Variants in PAFAH1B3 observed in about 807,000 individuals in gnomAD.
PAFAH1B3 encodes platelet activating factor acetylhydrolase 1b catalytic subunit 3, also known as platelet-activating factor acetylhydrolase IB subunit alpha1.
In PAFAH1B3, 15 loss-of-function variants were observed where a neutral mutation model predicts 24.4. The ratio of observed to expected loss-of-function variants is 0.62; its 90% CI spans 0.41 to 0.95. PAFAH1B3 has a LOEUF of 0.95. Ranked by LOEUF, PAFAH1B3 falls within the 40% of genes least tolerant of loss-of-function variation. The probability of loss-of-function intolerance (pLI) is 0.00; values close to 1 mark genes in which losing one functional copy is unlikely to be tolerated. For missense variants in PAFAH1B3, 266 were observed against 312.2 expected, an observed-to-expected ratio of 0.85 and a Z score of 1.12; for synonymous variants, 144 against 126.5, an observed-to-expected ratio of 1.14 and a Z score of -0.93.
At chr19:42,299,707 C>T (rs567214768) in intron 4 of PAFAH1B3, among the ~76,000 whole-genome samples, 21 of 152,286 alleles carry the variant, frequency 1.4e-4, no homozygotes, top group African/African-American at 3.4e-4. Flanking sequence ...GGATTACAGG[C>T]GTGAGCCACC....
intron 3 of PAFAH1B3, 27 bp from the exon 4 acceptor site, chr19:42,300,119 G>A (rs758120184): frequency 7.4e-6 from 12 of 1,613,802 alleles, no homozygotes; most frequent in African/African-American, 4.0e-5. Context: ...ATGAAGCAGC[G>A]GTGAGGGGGC....
chr19:42,301,910 A>C, intron 2 of PAFAH1B3, 40 bp downstream of exon 2: 8 of 1,494,884 alleles, frequency 5.4e-6, no homozygotes, highest in Non-Finnish European at 7.3e-6. Context: ...CAGCATGGAC[A>C]CAGGGCTGGA....
chr19:42,299,827 G>C (rs1034296412), intron 4 of PAFAH1B3, 143 bp downstream of exon 4: 30 of 1,041,944 alleles, frequency 2.9e-5, no homozygotes, highest in Admixed American at 4.2e-5. Flanking sequence ...CCACTCTGAA[G>C]GGTATAGCAA....
chr19:42,297,408 G>A, intron 4 of PAFAH1B3, 43 bp from the exon 5 acceptor site: 2 of 1,322,192 alleles, frequency 1.5e-6, no homozygotes, highest in Non-Finnish European at 1.0e-6. Context: ...AAGCATTTGA[G>A]TATCTTGTTC....
rs2038654369 is a variant in PAFAH1B3 at position 42,302,573 on chromosome 19, T to C, written c.-264A>G. ...AGTGGGCTCGCCCGGCGCTTCCCGC[T>C]CGGGCCGCTGACTCCCAGGCCGCGC... On this transcript the variant is annotated 5_prime_UTR_variant, in exon 1 of 5. Transcript: ENST00000262890. 6.9e-6 allele frequency: 3 copies of C among 432,788 alleles called. No homozygotes were observed. Among genetic ancestry groups the C allele is most frequent in the Admixed American group, 4.1e-5 (1 of 24,178 alleles). 26.8% of individuals were successfully genotyped at this position (432,788 alleles called of 1,614,324 possible). A position where few individuals can be genotyped will look rare whatever the true frequency, so the allele number is the denominator to read the frequency against.
rs2038651877 is a variant in PAFAH1B3 at position 42,302,475 on chromosome 19, C to A, written c.-166G>T. Reference sequence around the variant, plus strand: ...AGGCCGATACAGGGCGCCGCCTCCTCTCCAGGGACGGAAGCCTTCACTTAG... The same window carrying A: ...AGGCCGATACAGGGCGCCGCCTCCTATCCAGGGACGGAAGCCTTCACTTAG... On this transcript the variant is annotated 5_prime_UTR_variant, in exon 1 of 5. Coordinates refer to ENST00000262890, the MANE Select transcript of PAFAH1B3 (RefSeq NM_002573.4). 1 of 609,334 alleles carries A rather than the reference C, an allele frequency of 1.6e-6. No individual in the cohort carries two copies. The highest frequency in any genetic ancestry group is 2.8e-6 in the Non-Finnish European group (1 of 351,668). The allele number at this position is 609,334 out of a possible 1,614,324, so 37.7% of individuals were successfully genotyped here.
At chr19:42,300,150 C>A in intron 3 of PAFAH1B3, 21 bp downstream of exon 3, 1 of 1,613,950 alleles carries the variant, frequency 6.2e-7, no homozygotes. Context: ...TGTTTTAGAG[C>A]CCCACCCAAG....
chr19:42,298,527 C>T (rs2038571586), intron 4 of PAFAH1B3, among the ~76,000 whole-genome samples: 1 of 152,178 alleles, frequency 6.6e-6, no homozygotes, highest in East Asian at 1.9e-4. Flanking sequence ...AACATCATGG[C>T]TCATGCCAAG....
intron 4 of PAFAH1B3, among the ~76,000 whole-genome samples, chr19:42,297,575 CTTTT>C (rs887634639): frequency 7.3e-6 from 1 of 137,562 alleles, no homozygotes; most frequent in African/African-American, 2.7e-5. Context: ...CTTTCGTTTT[CTTTT>C]TTTTTTTTTT....
chr19:42,302,415 G>T lies in PAFAH1B3; in HGVS notation c.-106C>A. 9.5e-7 allele frequency: 1 copy of T among 1,050,732 alleles called. No individual in the cohort carries two copies. The highest frequency in any genetic ancestry group is 1.5e-5 in the South Asian group (1 of 65,310). 65.1% of individuals were successfully genotyped at this position (1,050,732 alleles called of 1,614,324 possible). A position where few individuals can be genotyped will look rare whatever the true frequency, so the allele number is the denominator to read the frequency against. ...ACTCCTACCCCTCGCGGCAACAAAG[G>T]ACCGTCCCAACGCTAGCACACCCGC... is the stretch of plus-strand genomic sequence containing the variant. On this transcript the variant is annotated 5_prime_UTR_variant, in exon 1 of 5. Transcript: ENST00000262890.
rs1391493458 is a variant in PAFAH1B3 at position 42,297,113 on chromosome 19, C to T, written c.661G>A (p.Gly221Ser). The change falls in exon 5 of 5, where the codon GGC (glycine) becomes AGC (serine). Residue 221 changes from glycine (G) to serine (S), a missense_variant. Transcript: ENST00000262890. ...LLLRLLAQDQ[G>S]QGAPLLEPAP Reference sequence around the variant, plus strand: ...GGCTCCAGCAGGGGAGCACCTTGGCCCTGGTCTTGGGCCAGCAGACGCAGA... The same window carrying T: ...GGCTCCAGCAGGGGAGCACCTTGGCTCTGGTCTTGGGCCAGCAGACGCAGA... The T allele has an allele frequency of 2.5e-6, 4 of 1,610,006 alleles. No individual in the cohort carries two copies. Among genetic ancestry groups the T allele is most frequent in the Non-Finnish European group, 2.5e-6 (3 of 1,176,648 alleles).
In PAFAH1B3 at chr19:42,302,017, C is replaced by T. The variant is rs1294813857; in HGVS notation, c.101G>A (p.Ser34Asn). 3 of 1,571,086 alleles carry T rather than the reference C, an allele frequency of 1.9e-6. No homozygotes were observed. Among genetic ancestry groups the T allele is most frequent in the African/African-American group, 2.7e-5 (2 of 73,824 alleles). The change falls in exon 2 of 5, where the codon AGC (serine) becomes AAC (asparagine). Residue 34 changes from serine (S) to asparagine (N), a missense_variant. Physicochemically the swap from Ser to Asn is conservative, Grantham distance 46. Transcript: ENST00000262890. ...MSLHHRFVAD[S>N]KDKEPEVVFI... is the part of the protein sequence containing the mutation. ...GACGACTTCGGGTTCCTTATCTTTG[C>T]TGTCAGCCACGAACCGATGGTGCTG...
intron 1 of PAFAH1B3, 44 bp from the exon 2 acceptor site, chr19:42,302,083 G>C: frequency 6.5e-7 from 1 of 1,534,334 alleles, no homozygotes; most frequent in Non-Finnish European, 8.8e-7. Context: ...GCACGCTCCA[G>C]GGCCCGCCCC....
Position 42,297,385 on chromosome 19 carries a change from G to A in PAFAH1B3, c.409-20C>T, listed in dbSNP as rs373974827. The A allele has an allele frequency of 4.3e-5, 67 of 1,558,466 alleles. No homozygotes were observed. Among genetic ancestry groups the A allele is most frequent in the African/African-American group, 2.9e-4 (21 of 73,256 alleles). ...CAGGCCCTGAGCAGGAACACGAGGC[G>A]TAGTAAGGAAACAAGCATTTGAGTA... On this transcript the variant is annotated intron_variant, in intron 4 of 4. Coordinates refer to ENST00000262890, the MANE Select transcript of PAFAH1B3 (RefSeq NM_002573.4).
Position 42,300,267 on chromosome 19 carries a change from A to T in PAFAH1B3, c.189T>A (p.Ser63=). 6.2e-7 allele frequency: 1 copy of T among 1,614,184 alleles called. No homozygotes were observed. Among genetic ancestry groups the T allele is most frequent in the South Asian group, 1.1e-5 (1 of 91,084 alleles). ...HQCEIWRELF[S]PLHALNFGIG... ...TGCCAAAGTTAAGTGCATGCAGAGGAGAGAAGAGCTCGCGCCAGATCTGTG... is the reference window on the plus strand; with the variant it reads ...TGCCAAAGTTAAGTGCATGCAGAGGTGAGAAGAGCTCGCGCCAGATCTGTG... Residue 63 remains serine (S), a synonymous_variant, in exon 3 of 5, where the codon TCT becomes TCA. Coordinates refer to ENST00000262890, the MANE Select transcript of PAFAH1B3 (RefSeq NM_002573.4).
rs1056161360 is a variant in PAFAH1B3 at position 42,299,788 on chromosome 19, T to C, written c.408+182A>G. On this transcript the variant is annotated intron_variant, in intron 4 of 4. Coordinates refer to ENST00000262890, the MANE Select transcript of PAFAH1B3 (RefSeq NM_002573.4). ...GCCATCCCTGGGCAAAAAAGGCTAATTGGTCTCGGAGCATATTCTCAACCA... is the reference window on the plus strand; with the variant it reads ...GCCATCCCTGGGCAAAAAAGGCTAACTGGTCTCGGAGCATATTCTCAACCA... 16 of 796,488 alleles carry C rather than the reference T, an allele frequency of 2.0e-5. No individual in the cohort carries two copies. In the African/African-American group the frequency reaches 2.6e-4, roughly 13 times the overall value. 49.3% of individuals were successfully genotyped at this position (796,488 alleles called of 1,614,324 possible). A position where few individuals can be genotyped will look rare whatever the true frequency, so the allele number is the denominator to read the frequency against.
chr19:42,302,326 C>T lies in PAFAH1B3; in HGVS notation c.-17G>A. On this transcript the variant is annotated 5_prime_UTR_variant, in exon 1 of 5. Coordinates refer to ENST00000262890, the MANE Select transcript of PAFAH1B3 (RefSeq NM_002573.4). ...TCCACTCATCTTGGCGCCGCAGCTCCTGCAGGATGAGCGAGTCGGGTCGGC... is the reference window on the plus strand; with the variant it reads ...TCCACTCATCTTGGCGCCGCAGCTCTTGCAGGATGAGCGAGTCGGGTCGGC... The T allele has an allele frequency of 1.3e-6, 2 of 1,591,146 alleles. No homozygotes were observed. The highest frequency in any genetic ancestry group is 1.7e-6 in the Non-Finnish European group (2 of 1,170,868).
chr19:42,299,559 G>A (rs2038585736), intron 4 of PAFAH1B3, among the ~76,000 whole-genome samples: 1 of 151,942 alleles, frequency 6.6e-6, no homozygotes, highest in Non-Finnish European at 1.5e-5. Context: ...CAAGTTAGCT[G>A]GGACTACAGG....
chr19:42,302,186 C>T, intron 1 of PAFAH1B3, 46 bp downstream of exon 1: 1 of 1,536,564 alleles, frequency 6.5e-7, no homozygotes, highest in Non-Finnish European at 8.8e-7. Flanking sequence ...CCTGAGCCAC[C>T]CCCCGCGCCC....
Sources: gnomAD v4.1 joint callset for allele counts (sites outside exome capture counted in the v4.1 genomes callset) on GRCh38, gnomAD v4.1.1 for gene constraint, MANE v1.5 for transcripts, NCBI Gene and HGNC (gene_info 2026-07-23, HGNC 2026-07-21) for gene names.